Variants in NR6A1 observed in about 807,000 individuals in gnomAD.
NR6A1 encodes the protein nuclear receptor subfamily 6 group A member 1.
In NR6A1, 7 loss-of-function variants were observed where a neutral mutation model predicts 59.1. The observed-to-expected ratio is 0.12, with a 90% CI of 0.07 to 0.22. The LOEUF (loss-of-function observed/expected upper bound fraction) is 0.22. Among genes scored for constraint, NR6A1 ranks in the 10% least tolerant of loss-of-function variants. The probability of loss-of-function intolerance (pLI) is 1.00; values close to 1 mark genes in which losing one functional copy is unlikely to be tolerated. For synonymous variants in NR6A1, 243 were observed against 236.1 expected, an observed-to-expected ratio of 1.03 and a Z score of -0.27; for missense variants, 468 against 611.6, an observed-to-expected ratio of 0.77 and a Z score of 2.48.
chr9:124,565,847 A>G (rs1834225761), intron 2 of NR6A1, among the ~76,000 whole-genome samples: 1 of 152,266 alleles, frequency 6.6e-6, no homozygotes, highest in South Asian at 2.1e-4. Flanking sequence ...TAGAAAAACT[A>G]AATTTCATAT....
chr9:124,681,893 T>C lies in NR6A1; in HGVS notation c.142+51415A>G, dbSNP rs562381826. On this transcript the variant is annotated intron_variant, in intron 2 of 9. Transcript: ENST00000487099. ...TAAAAGATCCATGAAAAATGCAAGA[T>C]AGACAAATGAATTTTAATAAAATCG... Among the ~76,000 whole-genome samples the C allele has an allele frequency of 7.2e-5, 11 of 152,328 alleles. No individual in the cohort carries two copies. In the South Asian group the frequency reaches 1.0e-3, roughly 14 times the overall value.
At chr9:124,763,470 A>C (rs968660308) in intron 1 of NR6A1, among the ~76,000 whole-genome samples, 1 of 152,262 alleles carries the variant, frequency 6.6e-6, no homozygotes, top group African/African-American at 2.4e-5. Flanking sequence ...GGACCCCCAG[A>C]GGTTTGCAGA....
At chr9:124,562,890 T>C (rs1375905214) in intron 2 of NR6A1, among the ~76,000 whole-genome samples, 2 of 152,190 alleles carry the variant, frequency 1.3e-5, no homozygotes, top group Non-Finnish European at 1.5e-5. Context: ...TAAATGGATA[T>C]GCCCATCTCC....
rs767495116 is a variant in NR6A1, at chr9:124,554,553, G to C, written c.160C>G (p.Arg54Gly). The C allele has an allele frequency of 1.9e-6, 3 of 1,614,016 alleles. No homozygotes were observed. The African/African-American group carries it at 4.0e-5, about 22-fold the overall frequency. Reference sequence around the variant, plus strand: ...ATGAGACAGGTTCGTTGTTCAGCCCGATCATCTGAAACAGAAACTGATCAT... The same window carrying C: ...ATGAGACAGGTTCGTTGTTCAGCCCCATCATCTGAAACAGAAACTGATCAT... ...DPGTISVSDDRAEQRTCLICG... is the reference protein window; with the variant it reads ...DPGTISVSDDGAEQRTCLICG... The change falls in exon 3 of 10, where the codon CGG becomes GGG. Residue 54 changes from arginine to glycine, a missense_variant. Around this residue, in one of 4 missense-constraint regions of NR6A1, gnomAD observed 66 missense variants for 139.2 expected, o/e 0.47. Transcript: ENST00000487099.
chr9:124,705,148 A>C (rs1366513342), intron 2 of NR6A1, among the ~76,000 whole-genome samples: 2 of 152,210 alleles, frequency 1.3e-5, no homozygotes, highest in Non-Finnish European at 2.9e-5. Context: ...TGAATCTCTA[A>C]TTTAACTCCC....
At chr9:124,673,616 T>C (rs527585238) in intron 2 of NR6A1, among the ~76,000 whole-genome samples, 5 of 152,096 alleles carry the variant, frequency 3.3e-5, no homozygotes, top group African/African-American at 7.2e-5. Context: ...CCTGTGAAGA[T>C]ATAAAAAAGA....
intron 2 of NR6A1, among the ~76,000 whole-genome samples, chr9:124,643,060 A>G (rs886671731): frequency 7.6e-6 from 1 of 131,738 alleles, no homozygotes; most frequent in African/African-American, 2.8e-5. Context: ...GCACCTCTCA[A>G]GTGAGTACCA....
At chr9:124,723,126 A>C (rs1351570615) in intron 2 of NR6A1, among the ~76,000 whole-genome samples, 2 of 152,120 alleles carry the variant, frequency 1.3e-5, no homozygotes, top group Non-Finnish European at 2.9e-5. Context: ...TATCATTTAT[A>C]TAGGTCCTTG....
intron 1 of NR6A1, among the ~76,000 whole-genome samples, chr9:124,749,199 T>C (rs1236354291): frequency 2.7e-5 from 4 of 150,072 alleles, no homozygotes; most frequent in Admixed American, 6.6e-5. Flanking sequence ...GAGGCGGAGG[T>C]TGCAGTGAGC....
chr9:124,535,949 G>A lies in NR6A1; in HGVS notation c.1008C>T (p.Tyr336=), dbSNP rs1348572319. Residue 336 remains tyrosine (Y), a synonymous_variant, in exon 7 of 10, where the codon TAC becomes TAT. Coordinates refer to ENST00000487099, the MANE Select transcript of NR6A1 (RefSeq NM_033334.4). The part of the protein sequence containing the change: ...ELILLSSLTV[Y]SKQIFGELAD... ...CCAGTTCCCCAAAGATCTGCTTGCT[G>A]TAAACGGTGAGGGAAGACAGCAGGA... 1.9e-6 allele frequency: 3 copies of A among 1,614,114 alleles called. No individual in the cohort carries two copies. Among genetic ancestry groups the A allele is most frequent in the Admixed American group, 3.3e-5 (2 of 60,014 alleles).
intron 2 of NR6A1, among the ~76,000 whole-genome samples, chr9:124,703,119 G>A (rs184164452): frequency 1.3e-4 from 20 of 151,786 alleles, no homozygotes; most frequent in Admixed American, 3.9e-4. Flanking sequence ...TGGTCAAGCT[G>A]GTCTCGAACT....
In NR6A1 at chr9:124,739,000, T is replaced by TAAA. The variant is rs397703492; in HGVS notation, c.101-5654_101-5652dup. On this transcript the variant is annotated intron_variant, in intron 1 of 9. Coordinates refer to ENST00000487099, the MANE Select transcript of NR6A1 (RefSeq NM_033334.4). ...CCAGACAACGAAGCAAGACTCCATC[T>TAAA]AAAAAAAAAAAAAATACAAAAATAC... Among the ~76,000 whole-genome samples, 8 of 137,728 alleles carry TAAA rather than the reference T, an allele frequency of 5.8e-5. No homozygotes were observed. The East Asian group carries it at 1.5e-3, about 25-fold the overall frequency. The allele number at this position is 137,728 out of a possible 152,430, so 90.4% of individuals were successfully genotyped here. A position where few individuals can be genotyped will look rare whatever the true frequency, so the allele number is the denominator to read the frequency against.
intron 2 of NR6A1, among the ~76,000 whole-genome samples, chr9:124,632,726 C>T (rs1836483679): frequency 6.6e-6 from 1 of 152,108 alleles, no homozygotes; most frequent in African/African-American, 2.4e-5. Context: ...CAATACAACC[C>T]CATTTATAAA....
chr9:124,739,585 G>C (rs1840118713), intron 1 of NR6A1, among the ~76,000 whole-genome samples: 1 of 152,236 alleles, frequency 6.6e-6, no homozygotes, highest in African/African-American at 2.4e-5. Context: ...CTCCCAAGTA[G>C]CTGAGACTAC....
At chr9:124,652,670 A>G (rs1837140166) in intron 2 of NR6A1, among the ~76,000 whole-genome samples, 2 of 152,164 alleles carry the variant, frequency 1.3e-5, no homozygotes, top group African/African-American at 4.8e-5. Context: ...CCAGGGCTGG[A>G]GCCAGACTCT....
intron 2 of NR6A1, among the ~76,000 whole-genome samples, chr9:124,721,804 A>C (rs1180709017): frequency 6.6e-6 from 1 of 152,180 alleles, no homozygotes; most frequent in Non-Finnish European, 1.5e-5. Context: ...GTCTTCCACC[A>C]TCAGCATTTG....
chr9:124,765,834 G>A (rs758195349), intron 1 of NR6A1, among the ~76,000 whole-genome samples: 5 of 152,166 alleles, frequency 3.3e-5, no homozygotes, highest in African/African-American at 4.8e-5. Context: ...ACGAAATACC[G>A]TAGGAAATGT....
intron 2 of NR6A1, among the ~76,000 whole-genome samples, chr9:124,633,664 C>T (rs1836512521): frequency 6.6e-6 from 1 of 152,198 alleles, no homozygotes; most frequent in Admixed American, 6.5e-5. Flanking sequence ...CAGGATCATC[C>T]TAAATTGTGG....
chr9:124,674,530 C>T (rs1191341710), intron 2 of NR6A1, among the ~76,000 whole-genome samples: 1 of 152,128 alleles, frequency 6.6e-6, no homozygotes, highest in Non-Finnish European at 1.5e-5. Context: ...GACAAGCCCT[C>T]TTTTAAGTGC....
Sources: allele counts gnomAD v4.1 joint callset (sites outside exome capture counted in the v4.1 genomes callset), GRCh38; gene constraint gnomAD v4.1.1; regional missense constraint gnomAD v4.1.1; transcripts MANE v1.5; gene names NCBI Gene and HGNC (gene_info 2026-07-23, HGNC 2026-07-21).